Variants in TTLL5 observed in about 807,000 individuals in gnomAD.
TTLL5 encodes tubulin polyglutamylase TTLL5.
In TTLL5, 132 loss-of-function variants were observed where a neutral mutation model predicts 168.4. The ratio of observed to expected loss-of-function variants is 0.78; its 90% CI spans 0.68 to 0.91. TTLL5 has a LOEUF of 0.91. TTLL5 is among the 40% of genes least tolerant of loss of function. TTLL5 has a pLI of 0.00. For missense variants in TTLL5, 1,545 were observed against 1,581.5 expected (o/e 0.98, Z 0.39); for synonymous variants, 546 against 558.6 (o/e 0.98, Z 0.32).
intron 21 of TTLL5, among the ~76,000 whole-genome samples, chr14:75,773,957 A>AGAGAAAGAGAGAAAG (rs1891536422): frequency 1.2e-4 from 5 of 43,360 alleles, no homozygotes; most frequent in South Asian, 1.1e-3. Flanking sequence ...GAGAGAGAGA[A>AGAGAAAGAGAGAAAG]AGAGAGAGAG....
chr14:75,818,867 T>G (rs967456064), intron 27 of TTLL5, among the ~76,000 whole-genome samples: 1 of 152,218 alleles, frequency 6.6e-6, no homozygotes, highest in African/African-American at 2.4e-5. Flanking sequence ...TTAACAATAT[T>G]GTTAGCCATT....
chr14:75,901,366 T>G (rs1464457674), intron 30 of TTLL5, among the ~76,000 whole-genome samples: 1 of 152,156 alleles, frequency 6.6e-6, no homozygotes, highest in Non-Finnish European at 1.5e-5. Flanking sequence ...CAGGGAGGCT[T>G]GACTTGGGCT....
intron 22 of TTLL5, 63 bp downstream of exon 22, chr14:75,775,693 T>A: frequency 6.4e-7 from 1 of 1,574,446 alleles, no homozygotes; most frequent in Non-Finnish European, 8.7e-7. Flanking sequence ...ACAGACTAGA[T>A]AGAAGCCTCT....
intron 31 of TTLL5, among the ~76,000 whole-genome samples, chr14:75,953,485 A>G (rs1165154817): frequency 1.3e-5 from 2 of 152,236 alleles, no homozygotes; most frequent in Non-Finnish European, 2.9e-5. Flanking sequence ...ATTCAACAGT[A>G]TATTATATAG....
chr14:75,710,881 C>T lies in TTLL5; in HGVS notation c.740+3174C>T, dbSNP rs184892290. 2.9e-3 allele frequency: 437 copies of T among 152,250 alleles called. 3 individuals are homozygous for T. Among genetic ancestry groups the T allele is most frequent in the African/African-American group, 0.01 (419 of 41,528 alleles). 9.4% of individuals were successfully genotyped at this position (152,250 alleles called of 1,614,324 possible). A position where few individuals can be genotyped will look rare whatever the true frequency, so the allele number is the denominator to read the frequency against. On this transcript the variant is annotated intron_variant, in intron 9 of 31. Transcript: ENST00000298832. ...TTACGTTGAGGCTCAACAAGAAAAA[C>T]CATAATCTTTCCTAAAGAGACGGAA...
chr14:75,816,415 C>A (rs10131758), intron 27 of TTLL5, among the ~76,000 whole-genome samples: 133,741 of 152,206 alleles, frequency 0.88, 59,127 homozygotes, highest in Admixed American at 0.92. Flanking sequence ...TGTCTCCAAA[C>A]AAGAAAATAA....
chr14:75,693,720 G>T (rs1431201558), intron 6 of TTLL5, among the ~76,000 whole-genome samples: 1 of 152,216 alleles, frequency 6.6e-6, no homozygotes, highest in African/African-American at 2.4e-5. Context: ...AGAAGATGGG[G>T]TGGTACCAGT....
intron 27 of TTLL5, among the ~76,000 whole-genome samples, chr14:75,804,272 G>C (rs950051658): frequency 1.3e-5 from 2 of 152,168 alleles, no homozygotes; most frequent in Non-Finnish European, 2.9e-5. Flanking sequence ...AGATGCGGAG[G>C]TACATAAAGC....
intron 31 of TTLL5, among the ~76,000 whole-genome samples, chr14:75,917,379 C>T (rs1212191573): frequency 6.6e-6 from 1 of 152,188 alleles, no homozygotes; most frequent in Non-Finnish European, 1.5e-5. Flanking sequence ...TTTCTAGAAG[C>T]TGCTGAACTG....
intron 29 of TTLL5, among the ~76,000 whole-genome samples, chr14:75,874,875 A>G (rs1254921870): frequency 6.7e-6 from 1 of 149,056 alleles, no homozygotes; most frequent in Non-Finnish European, 1.5e-5. Context: ...ATGGAACTAT[A>G]AGATTTTGGG....
intron 28 of TTLL5, among the ~76,000 whole-genome samples, chr14:75,858,409 C>T (rs1897240654): frequency 2.0e-5 from 3 of 152,120 alleles, no homozygotes; most frequent in Non-Finnish European, 2.9e-5. Flanking sequence ...TAAACTCAAC[C>T]CTGGAGTGTA....
In TTLL5 at chr14:75,790,947, A is replaced by G. The variant is rs955587332; in HGVS notation, c.2987-1969A>G. On this transcript the variant is annotated intron_variant, in intron 26 of 31. Transcript: ENST00000298832. ...CCATCTCTACTAAAAAAAAAAAAAA[A>G]AAAGAAAAATTACCCGGGCCTGGTG... Among the ~76,000 whole-genome samples the G allele has an allele frequency of 6.5e-3, 965 of 147,782 alleles. 12 individuals carry two copies. The highest frequency in any genetic ancestry group is 0.024 in the African/African-American group (926 of 38,738).
chr14:75,777,334 G>A (rs1004245918), intron 23 of TTLL5, among the ~76,000 whole-genome samples: 4 of 152,134 alleles, frequency 2.6e-5, no homozygotes, highest in Non-Finnish European at 5.9e-5. Context: ...CCTACTCATG[G>A]AGTAGAAATG....
At chr14:75,674,702 T>C (rs1464798082) in intron 3 of TTLL5, among the ~76,000 whole-genome samples, 3 of 152,206 alleles carry the variant, frequency 2.0e-5, no homozygotes, top group East Asian at 3.8e-4. Flanking sequence ...AGCATTTTTC[T>C]GTAATTTGTC....
intron 28 of TTLL5, among the ~76,000 whole-genome samples, chr14:75,832,581 T>C (rs1410551347): frequency 1.3e-5 from 2 of 152,216 alleles, no homozygotes; most frequent in Non-Finnish European, 2.9e-5. Context: ...GATGCCTGGA[T>C]TGTCATGGGA....
chr14:75,793,097 A>C lies in TTLL5; in HGVS notation c.3168A>C (p.Gln1056His). 1 of 1,608,370 alleles carries C rather than the reference A, an allele frequency of 6.2e-7. No individual in the cohort carries two copies. Among genetic ancestry groups the C allele is most frequent in the Admixed American group, 1.7e-5 (1 of 59,794 alleles). ...CCAGCCACATCAACCTCCTCACCCA[A>C]CAGGTACGGATGGTCTGGGGTGTCC... ...SPSSHINLLT[Q>H]QVTNLNLATG... The change falls in exon 27 of 32, where the codon CAA becomes CAC. Residue 1056 changes from glutamine (Q) to histidine (H), a missense_variant. Coordinates refer to ENST00000298832, the MANE Select transcript of TTLL5 (RefSeq NM_015072.5).
rs191320076 is a variant in TTLL5 at position 75,691,358 on chromosome 14, C to T, written c.502+1036C>T. Among the ~76,000 whole-genome samples, 285 of 152,320 alleles carry T rather than the reference C, an allele frequency of 1.9e-3. 1 individual carries two copies. Among genetic ancestry groups the T allele is most frequent in the African/African-American group, 6.6e-3 (275 of 41,582 alleles). On this transcript the variant is annotated intron_variant, in intron 6 of 31. Coordinates refer to ENST00000298832, the MANE Select transcript of TTLL5 (RefSeq NM_015072.5). ...CAGTAGGCTTAATGCACAGAAGAGA[C>T]ATGAGTACAGATGAGATGTGAGGCA...
chr14:75,811,175 G>GTGTGTGTGTGTGTGTGTGTA (rs1893990459), intron 27 of TTLL5, among the ~76,000 whole-genome samples: 7 of 149,716 alleles, frequency 4.7e-5, no homozygotes, highest in African/African-American at 1.7e-4. Context: ...GTGTGTGTGT[G>GTGTGTGTGTGTGTGTGTGTA]TGTGTGTGTG....
intron 5 of TTLL5, chr14:75,684,893 A>C (rs1264369608): frequency 1.3e-5 from 2 of 152,208 alleles, no homozygotes; most frequent in Non-Finnish European, 2.9e-5. Flanking sequence ...TGGTGGCTAC[A>C]CAGTTGTGTT....
Sources: gnomAD v4.1 joint callset for allele counts (sites outside exome capture counted in the v4.1 genomes callset) on GRCh38, gnomAD v4.1.1 for gene constraint, MANE v1.5 for transcripts, NCBI Gene and HGNC (gene_info 2026-07-23, HGNC 2026-07-21) for gene names.